DHRS7C: variants seen among roughly 807,000 people sequenced by gnomAD.
The protein encoded by DHRS7C is dehydrogenase/reductase 7C, also known as dehydrogenase/reductase SDR family member 7C.
In DHRS7C, 28 loss-of-function variants were observed where a neutral mutation model predicts 29.6. That is an observed-to-expected ratio of 0.95 (90% CI 0.70 to 1.30). The LOEUF is 1.30. Among genes scored for constraint, DHRS7C ranks in the 50% most tolerant of loss-of-function variants. The pLI is 0.00. For synonymous variants in DHRS7C, 158 were observed against 160.2 expected, an observed-to-expected ratio of 0.99 and a Z score of 0.10; for missense variants, 403 against 393.3, an observed-to-expected ratio of 1.02 and a Z score of -0.21.
chr17:9,773,381 CCCTT>C (rs1273425192), intron 4 of DHRS7C, among the ~76,000 whole-genome samples: 9 of 152,178 alleles, frequency 5.9e-5, no homozygotes, highest in African/African-American at 2.2e-4. Context: ...TATCCCCTCT[CCCTT>C]CCTGTTTCCC....
chr17:9,772,923 C>T lies in DHRS7C; in HGVS notation c.572-1G>A. 7 of 1,613,446 alleles carry T rather than the reference C, an allele frequency of 4.3e-6. No homozygotes were observed. The East Asian group carries it at 1.6e-4, about 36-fold the overall frequency. On this transcript the variant is annotated splice_acceptor_variant, in intron 4 of 5. Transcript: ENST00000571134. LOFTEE classifies it high-confidence loss of function. ...AGGGCTGCGTGCTTGGAGGCAGCGT[C>T]TGCGAGACAAACCATCCGGAGGTGG...
Position 9,775,548 on chromosome 17 carries a change from G to A in DHRS7C, c.571+1645C>T, listed in dbSNP as rs2066357385. ...TGACCACACGGAAGATGTTGTTGAT[G>A]GAATGACTTAGCATGACCCTGGGCC... On this transcript the variant is annotated intron_variant, in intron 4 of 5. Transcript: ENST00000571134. The surrounding 1 kb of genome is among the most constrained non-coding windows in gnomAD (Gnocchi z 4.2). Among the ~76,000 whole-genome samples the A allele has an allele frequency of 6.6e-6, 1 of 152,120 alleles. No individual in the cohort carries two copies. The highest frequency in any genetic ancestry group is 1.5e-5 in the Non-Finnish European group (1 of 68,018).
intron 1 of DHRS7C, 53 bp from the exon 2 acceptor site, chr17:9,781,647 A>T: frequency 6.4e-7 from 1 of 1,561,472 alleles, no homozygotes; most frequent in Non-Finnish European, 8.8e-7. Flanking sequence ...GGAGCCACTG[A>T]CAGTGAACCC....
chr17:9,775,461 T>C lies in DHRS7C; in HGVS notation c.571+1732A>G, dbSNP rs562614423. Among the ~76,000 whole-genome samples, 1 of 152,236 alleles carries C rather than the reference T, an allele frequency of 6.6e-6. No individual in the cohort carries two copies. The highest frequency in any genetic ancestry group is 1.5e-5 in the Non-Finnish European group (1 of 68,002). ...GATGTCCAATGCCAGCCTGGGGCTT[T>C]GGACATTGAGCACGGCTCCTCCACA... On this transcript the variant is annotated intron_variant, in intron 4 of 5. Transcript: ENST00000571134. This position sits in a 1 kb window ranked among gnomAD's most constrained non-coding sequence, Gnocchi z 4.2.
intron 1 of DHRS7C, 47 bp downstream of exon 1, chr17:9,791,084 G>A (rs564763667): frequency 6.4e-7 from 1 of 1,571,308 alleles, no homozygotes; most frequent in South Asian, 1.2e-5. Flanking sequence ...CATCCTGCCA[G>A]TCCCTGGGGG....
chr17:9,782,546 G>T (rs34030113), intron 1 of DHRS7C, among the ~76,000 whole-genome samples: 1 of 152,098 alleles, frequency 6.6e-6, no homozygotes, highest in African/African-American at 2.4e-5. Flanking sequence ...AGTCACTGAT[G>T]GGGCTGCCCT....
chr17:9,772,173 G>T (rs1173425158), intron 5 of DHRS7C, among the ~76,000 whole-genome samples: 1 of 152,158 alleles, frequency 6.6e-6, no homozygotes, highest in African/African-American at 2.4e-5. Flanking sequence ...GCCATAATAA[G>T]GTGCACTGAT....
chr17:9,772,847 A>G lies in DHRS7C; in HGVS notation c.647T>C (p.Ile216Thr), dbSNP rs758575087. Residue 216 changes from isoleucine to threonine, a missense_variant, in exon 5 of 6, where the codon ATC (isoleucine) becomes ACC (threonine). Transcript: ENST00000571134. The part of the protein sequence containing the change: ...RAEVEEYDVV[I>T]STVSPTFIRS... The stretch of plus-strand genomic sequence containing the variant: ...GATGAAAGTCGGGCTCACGGTGCTG[A>G]TGACAACATCGTATTCCTCCACTTC... 1.9e-6 allele frequency: 3 copies of G among 1,613,826 alleles called. No individual in the cohort carries two copies. Among genetic ancestry groups the G allele is most frequent in the African/African-American group, 2.7e-5 (2 of 74,900 alleles).
At position 9,774,639 on chromosome 17, in the gene DHRS7C, A is replaced by C. The variant is rs1449753122; in HGVS notation, c.572-1717T>G. 6.6e-6 allele frequency among the ~76,000 whole-genome samples: 1 copy of C among 152,176 alleles called. No individual in the cohort carries two copies. The highest frequency in any genetic ancestry group is 2.1e-4 in the South Asian group (1 of 4,828). ...TGTGTGCCTGCAGCAGGAGGGACAC[A>C]TGGCAGGCTGCCTTCCCTTTCAAGT... On this transcript the variant is annotated intron_variant, in intron 4 of 5. Transcript: ENST00000571134. The surrounding 1 kb of genome is among the most constrained non-coding windows in gnomAD (Gnocchi z 5.0).
intron 1 of DHRS7C, among the ~76,000 whole-genome samples, chr17:9,790,469 A>G (rs2066448547): frequency 6.6e-6 from 1 of 152,194 alleles, no homozygotes; most frequent in Non-Finnish European, 1.5e-5. Flanking sequence ...AAATGCCTTC[A>G]ATGCCAGAAA....
At chr17:9,773,259 C>G (rs2066342127) in intron 4 of DHRS7C, among the ~76,000 whole-genome samples, 1 of 152,032 alleles carries the variant, frequency 6.6e-6, no homozygotes, top group Non-Finnish European at 1.5e-5. Flanking sequence ...AGAAAACATA[C>G]AGAATGCCGG....
chr17:9,773,719 C>CTTTTTTTTTTTTTTTTT (rs757682123), intron 4 of DHRS7C, among the ~76,000 whole-genome samples: 3 of 86,006 alleles, frequency 3.5e-5, no homozygotes, highest in Non-Finnish European at 6.3e-5. Flanking sequence ...GCAATGAGGC[C>CTTTTTTTTTTTTTTTTT]TTTTTTTTTT....
rs56958902 is a variant in DHRS7C, at chr17:9,774,535, T to C, written c.572-1613A>G. The stretch of plus-strand genomic sequence containing the variant: ...CTGACCTCAAGTGATCTACCCGCCT[T>C]GGCCTTCCAAAGTGCTGGGATTGCA... On this transcript the variant is annotated intron_variant, in intron 4 of 5. Transcript: ENST00000571134. This position sits in a 1 kb window ranked among gnomAD's most constrained non-coding sequence, Gnocchi z 5.0. Among the ~76,000 whole-genome samples, 11,710 of 152,252 alleles carry C rather than the reference T, an allele frequency of 0.077. 488 individuals carry two copies. The highest frequency in any genetic ancestry group is 0.097 in the Non-Finnish European group (6,564 of 68,014).
intron 1 of DHRS7C, among the ~76,000 whole-genome samples, chr17:9,785,803 G>C (rs192565954): frequency 3.0e-4 from 46 of 152,182 alleles, no homozygotes; most frequent in African/African-American, 9.9e-4. Context: ...AGTTTTTCTC[G>C]CTCTCCTATC....
chr17:9,781,597 G>A lies in DHRS7C; in HGVS notation c.155-3C>T, dbSNP rs2066393603. 9 of 1,613,386 alleles carry A rather than the reference G, an allele frequency of 5.6e-6. No individual in the cohort carries two copies. The highest frequency in any genetic ancestry group is 2.2e-5 in the East Asian group (1 of 44,902). ...TGTGTGGAACACCCGAGCACACTCTGTGGGGAAGAAGGAAACAGGGCAGGG... is the reference window on the plus strand; with the variant it reads ...TGTGTGGAACACCCGAGCACACTCTATGGGGAAGAAGGAAACAGGGCAGGG... On this transcript the variant is annotated splice_polypyrimidine_tract_variant and splice_region_variant and intron_variant, in intron 1 of 5. Transcript: ENST00000571134.
At chr17:9,778,390 G>A (rs1282222783) in intron 3 of DHRS7C, among the ~76,000 whole-genome samples, 2 of 131,006 alleles carry the variant, frequency 1.5e-5, no homozygotes, top group Non-Finnish European at 3.2e-5. Flanking sequence ...GCGAGACTCC[G>A]TCTCAAAAAA....
intron 1 of DHRS7C, among the ~76,000 whole-genome samples, chr17:9,784,582 A>G (rs1267541986): frequency 1.3e-5 from 2 of 152,222 alleles, no homozygotes; most frequent in African/African-American, 2.4e-5. Context: ...TTTATAATCT[A>G]TATGTCAGAA....
chr17:9,773,336 G>C (rs2066342532), intron 4 of DHRS7C, among the ~76,000 whole-genome samples: 1 of 152,112 alleles, frequency 6.6e-6, no homozygotes, highest in African/African-American at 2.4e-5. Context: ...AAGGTCCGGG[G>C]CCAGCTGGTG....
intron 3 of DHRS7C, among the ~76,000 whole-genome samples, chr17:9,779,213 T>A (rs2066379688): frequency 6.6e-6 from 1 of 152,186 alleles, no homozygotes; most frequent in South Asian, 2.1e-4. Flanking sequence ...CAGACCTGCG[T>A]TTGAACTTGA....
Sources: allele counts gnomAD v4.1 joint callset (sites outside exome capture counted in the v4.1 genomes callset), GRCh38; gene constraint gnomAD v4.1.1; non-coding constraint Gnocchi (gnomAD v3.1); transcripts MANE v1.5; gene names NCBI Gene and HGNC (gene_info 2026-07-23, HGNC 2026-07-21).